Variants in GABRB1 observed in about 807,000 individuals in gnomAD.
GABRB1 encodes gamma-aminobutyric acid type A receptor subunit beta1.
A neutral mutation model predicts 51.6 loss-of-function variants in GABRB1; 17 were observed. The observed-to-expected ratio is 0.33, with a 90% CI of 0.23 to 0.49. The LOEUF (loss-of-function observed/expected upper bound fraction) is 0.49. GABRB1 is among the 20% of genes least tolerant of loss of function. GABRB1 has a pLI of 0.99. For missense variants in GABRB1, 410 were observed against 600.6 expected (o/e 0.68, Z 3.32); for synonymous variants, 247 against 218.9 (o/e 1.13, Z -1.14).
intron 5 of GABRB1, among the ~76,000 whole-genome samples, chr4:47,391,070 G>A (rs1239605526): frequency 1.3e-5 from 2 of 152,166 alleles, no homozygotes; most frequent in East Asian, 3.8e-4. Flanking sequence ...CAGCTACTCA[G>A]GAGGCTGAGG....
intron 4 of GABRB1, among the ~76,000 whole-genome samples, chr4:47,298,477 T>C (rs866622170): frequency 2.6e-5 from 4 of 152,056 alleles, no homozygotes; most frequent in Admixed American, 6.6e-5. Context: ...ATAAGTGAAC[T>C]CCCATTCACA....
At chr4:47,399,420 T>C (rs1728304342) in intron 5 of GABRB1, among the ~76,000 whole-genome samples, 1 of 152,132 alleles carries the variant, frequency 6.6e-6, no homozygotes, top group Non-Finnish European at 1.5e-5. Context: ...TAAATGTCTG[T>C]TTGTAGGGAT....
rs553950396 is a variant in GABRB1, at chr4:47,293,833, G to A, written c.462-26294G>A. Among the ~76,000 whole-genome samples the A allele has an allele frequency of 3.5e-3, 526 of 152,276 alleles. 2 individuals carry two copies. The highest frequency in any genetic ancestry group is 5.7e-3 in the Non-Finnish European group (385 of 68,024). ...AGCTTGTAAGCAAAGTAATGAACTTGTATTTCACAAAGAAAACTAGGGAGT... is the reference window on the plus strand; with the variant it reads ...AGCTTGTAAGCAAAGTAATGAACTTATATTTCACAAAGAAAACTAGGGAGT... On this transcript the variant is annotated intron_variant, in intron 4 of 8. Coordinates refer to ENST00000295454, the MANE Select transcript of GABRB1 (RefSeq NM_000812.4).
chr4:47,084,086 G>A lies in GABRB1; in HGVS notation c.240+51602G>A, dbSNP rs548128878. Among the ~76,000 whole-genome samples the A allele has an allele frequency of 2.0e-5, 3 of 152,310 alleles. No individual in the cohort carries two copies. In the East Asian group the frequency reaches 5.8e-4, roughly 29 times the overall value. On this transcript the variant is annotated intron_variant, in intron 3 of 8. Transcript: ENST00000295454. ...TTTTTAATCAAAGGGAGTTATTAGA[G>A]TAAGTCATCAATATGAATGTAAACC...
intron 4 of GABRB1, among the ~76,000 whole-genome samples, chr4:47,271,908 C>CT (rs1179868383): frequency 6.6e-6 from 1 of 151,946 alleles, no homozygotes; most frequent in Admixed American, 6.6e-5. Flanking sequence ...TTTTGTTGAT[C>CT]TAGGTTCTAA....
intron 3 of GABRB1, among the ~76,000 whole-genome samples, chr4:47,118,373 G>A (rs992387192): frequency 2.0e-5 from 3 of 152,106 alleles, no homozygotes; most frequent in African/African-American, 7.2e-5. Flanking sequence ...TCTATCTAGA[G>A]TCATAAAAAG....
At chr4:47,340,199 G>C (rs1725832544) in intron 5 of GABRB1, among the ~76,000 whole-genome samples, 1 of 151,950 alleles carries the variant, frequency 6.6e-6, no homozygotes, top group African/African-American at 2.4e-5. Context: ...ATTTCAGCCT[G>C]CAGCACCCAA....
chr4:47,306,838 CCAGTGTATATG>C (rs2109946333), intron 4 of GABRB1, among the ~76,000 whole-genome samples: 1 of 152,214 alleles, frequency 6.6e-6, no homozygotes, highest in South Asian at 2.1e-4. Context: ...GTAAAGTAAT[CCAGTGTATATG>C]CACTAGAGGT....
At chr4:47,415,764 C>G (rs1027504604) in intron 8 of GABRB1, among the ~76,000 whole-genome samples, 2 of 152,192 alleles carry the variant, frequency 1.3e-5, no homozygotes, top group Non-Finnish European at 2.9e-5. Context: ...CTAAGAGGAT[C>G]TTAACCTAAA....
At chr4:47,063,337 AC>A (rs1268348937) in intron 3 of GABRB1, among the ~76,000 whole-genome samples, 2 of 152,190 alleles carry the variant, frequency 1.3e-5, no homozygotes, top group Non-Finnish European at 2.9e-5. Flanking sequence ...AGATAAAAAA[AC>A]ACAGCAAATT....
chr4:47,201,891 C>A (rs1027637437), intron 4 of GABRB1, among the ~76,000 whole-genome samples: 1 of 152,084 alleles, frequency 6.6e-6, no homozygotes, highest in Non-Finnish European at 1.5e-5. Flanking sequence ...TGCTGCTTTG[C>A]TTTTAAATTA....
upstream of GABRB1, among the ~76,000 whole-genome samples, chr4:47,027,242 C>T (rs1215771078): frequency 6.6e-6 from 1 of 151,306 alleles, no homozygotes; most frequent in African/African-American, 2.4e-5. Flanking sequence ...TTATTATCAC[C>T]ACAATTTATC....
At chr4:47,362,449 G>T (rs547928005) in intron 5 of GABRB1, among the ~76,000 whole-genome samples, 8 of 152,072 alleles carry the variant, frequency 5.3e-5, no homozygotes, top group Non-Finnish European at 2.9e-5. Context: ...CTCAGAATTC[G>T]CCCACATTTC....
chr4:47,127,658 T>C (rs1027822198), intron 3 of GABRB1, among the ~76,000 whole-genome samples: 12 of 151,968 alleles, frequency 7.9e-5, no homozygotes, highest in Admixed American at 3.3e-4. Flanking sequence ...GCATGTGAAC[T>C]ACCTTACCTA....
At chr4:47,175,188 C>CTCTCTCTCTTTCTTTCTTTCTT in intron 4 of GABRB1, among the ~76,000 whole-genome samples, 1 of 146,154 alleles carries the variant, frequency 6.8e-6, no homozygotes, top group East Asian at 2.0e-4. Context: ...TTTTCTTTCT[C>CTCTCTCTCTTTCTTTCTTTCTT]TCTCTCTCTT....
intron 4 of GABRB1, among the ~76,000 whole-genome samples, chr4:47,276,069 A>G (rs1723064712): frequency 6.6e-6 from 1 of 152,194 alleles, no homozygotes; most frequent in African/African-American, 2.4e-5. Context: ...GAGTTATCTC[A>G]GTCCCTTTAT....
chr4:47,405,820 TCAC>T (rs1728549175), intron 7 of GABRB1, among the ~76,000 whole-genome samples: 1 of 152,098 alleles, frequency 6.6e-6, no homozygotes. Context: ...TATCACTTCA[TCAC>T]CACCATCATC....
intron 4 of GABRB1, among the ~76,000 whole-genome samples, chr4:47,291,630 C>T (rs1411787864): frequency 6.6e-6 from 1 of 152,154 alleles, no homozygotes; most frequent in Non-Finnish European, 1.5e-5. Flanking sequence ...GGAAGAGCCA[C>T]CGAAGACTAT....
chr4:47,160,208 T>G (rs1194762453), intron 3 of GABRB1, among the ~76,000 whole-genome samples: 2 of 152,102 alleles, frequency 1.3e-5, no homozygotes, highest in Non-Finnish European at 2.9e-5. Flanking sequence ...GGATATCCTC[T>G]GTAATATTTT....
Sources: allele counts gnomAD v4.1 joint callset (sites outside exome capture counted in the v4.1 genomes callset), GRCh38; gene constraint gnomAD v4.1.1; transcripts MANE v1.5; gene names NCBI Gene and HGNC (gene_info 2026-07-23, HGNC 2026-07-21).